Variants in CDH4 observed in about 807,000 individuals in gnomAD.
The protein encoded by CDH4 is cadherin-4.
Under a neutral mutation model 86.0 loss-of-function variants are expected in CDH4, and 33 were observed. The ratio of observed to expected loss-of-function variants is 0.38; its 90% confidence interval spans 0.29 to 0.51. The LOEUF (loss-of-function observed/expected upper bound fraction) is 0.51. Among genes scored for constraint, CDH4 ranks in the 20% least tolerant of loss-of-function variants. The probability of loss-of-function intolerance (pLI) is 0.86; values close to 1 mark genes in which losing one functional copy is unlikely to be tolerated. For synonymous variants in CDH4, 555 were observed against 549.4 expected (o/e 1.01, Z -0.14); for missense variants, 1,114 against 1,307.4 (o/e 0.85, Z 2.28).
At chr20:61,869,471 C>T (rs1158282418) in intron 6 of CDH4, among the ~76,000 whole-genome samples, 3 of 152,332 alleles carry the variant, frequency 2.0e-5, no homozygotes, top group Admixed American at 6.5e-5. Context: ...TGGAGGAGAG[C>T]GTGGCTGCTT....
At position 61,255,341 on chromosome 20, in the gene CDH4, A is replaced by G. The variant is rs142828055; in HGVS notation, c.169+404A>G. Among the ~76,000 whole-genome samples, 33 of 152,366 alleles carry G rather than the reference A, an allele frequency of 2.2e-4. No homozygotes were observed. In the South Asian group the frequency reaches 3.7e-3, roughly 17 times the overall value. On this transcript the variant is annotated intron_variant, in intron 2 of 15. Transcript: ENST00000614565. The stretch of plus-strand genomic sequence containing the variant: ...AAGCCCACAGACGGTCTGTTCACAA[A>G]TGTGGCATTCATTTTCATTACTGCC...
chr20:61,864,182 C>T (rs895383591), intron 6 of CDH4, among the ~76,000 whole-genome samples: 5 of 152,190 alleles, frequency 3.3e-5, no homozygotes, highest in East Asian at 3.9e-4. Flanking sequence ...CCAAGTTGGA[C>T]GGTGCCCCAA....
At chr20:61,744,391 A>G (rs1205746684) in intron 3 of CDH4, among the ~76,000 whole-genome samples, 3 of 144,154 alleles carry the variant, frequency 2.1e-5, no homozygotes, top group African/African-American at 7.9e-5. Context: ...AGAAGGAGGG[A>G]GAGAGATGGA....
chr20:61,822,718 G>T (rs1190860263), intron 4 of CDH4, among the ~76,000 whole-genome samples: 1 of 152,314 alleles, frequency 6.6e-6, no homozygotes. Context: ...GGCGGGAAAA[G>T]GTCAATTTTC....
intron 2 of CDH4, among the ~76,000 whole-genome samples, chr20:61,300,237 G>A (rs1185314349): frequency 2.0e-5 from 3 of 152,112 alleles, no homozygotes; most frequent in Admixed American, 6.5e-5. Flanking sequence ...GGATGCGTGG[G>A]TCTGAGGCCG....
At chr20:61,875,638 G>A (rs886319652) in intron 7 of CDH4, among the ~76,000 whole-genome samples, 2 of 152,176 alleles carry the variant, frequency 1.3e-5, no homozygotes, top group Non-Finnish European at 2.9e-5. Flanking sequence ...AGTGAGCTGT[G>A]GTCAGTCCCA....
intron 13 of CDH4, 142 bp downstream of exon 13, chr20:61,929,984 GC>G: frequency 1.5e-6 from 1 of 669,866 alleles, no homozygotes. Flanking sequence ...TTTCAGAAAT[GC>G]AGCTGAACTG....
At chr20:61,635,875 G>T (rs906669513) in intron 2 of CDH4, among the ~76,000 whole-genome samples, 1 of 152,130 alleles carries the variant, frequency 6.6e-6, no homozygotes, top group Admixed American at 6.5e-5. Flanking sequence ...AGAGCAGGGG[G>T]CAGGACACAG....
chr20:61,897,049 C>T (rs767266086), intron 8 of CDH4, among the ~76,000 whole-genome samples: 3 of 152,170 alleles, frequency 2.0e-5, no homozygotes, highest in Non-Finnish European at 2.9e-5. Context: ...TGAAAAACGG[C>T]CAGCCCAGGG....
At chr20:61,301,645 T>C (rs1159671088) in intron 2 of CDH4, among the ~76,000 whole-genome samples, 1 of 152,240 alleles carries the variant, frequency 6.6e-6, no homozygotes, top group East Asian at 1.9e-4. Flanking sequence ...TTATTGAATA[T>C]ACATCATATG....
At chr20:61,777,807 C>CA (rs1352313194) in intron 4 of CDH4, among the ~76,000 whole-genome samples, 3 of 144,792 alleles carry the variant, frequency 2.1e-5, no homozygotes, top group African/African-American at 5.3e-5. Flanking sequence ...CACGTGCATA[C>CA]AAAAACACAC....
intron 2 of CDH4, among the ~76,000 whole-genome samples, chr20:61,282,094 C>T (rs2084262019): frequency 1.3e-5 from 2 of 152,196 alleles, no homozygotes; most frequent in African/African-American, 4.8e-5. Context: ...CATGGTGGCT[C>T]ACGCCTGTAA....
chr20:61,672,282 G>C (rs375010632), intron 2 of CDH4, among the ~76,000 whole-genome samples: 1 of 152,078 alleles, frequency 6.6e-6, no homozygotes, highest in Non-Finnish European at 1.5e-5. Flanking sequence ...CAGATGAACG[G>C]GTGAGTGGAT....
In CDH4 at chr20:61,394,584, C is replaced by G. The variant is rs77203571; in HGVS notation, c.169+139647C>G. Among the ~76,000 whole-genome samples the G allele has an allele frequency of 2.3e-4, 35 of 151,734 alleles. 2 individuals carry two copies. The East Asian group carries it at 6.6e-3, about 28-fold the overall frequency. On this transcript the variant is annotated intron_variant, in intron 2 of 15. Coordinates refer to ENST00000614565, the MANE Select transcript of CDH4 (RefSeq NM_001794.5). ...CCTTAGGCTGGGCCGAAGAGAGCAC[C>G]AGGGCGGGGTGAGGACTGCGGCCAG...
chr20:61,935,809 G>T (rs937893259), intron 15 of CDH4, among the ~76,000 whole-genome samples: 1 of 152,140 alleles, frequency 6.6e-6, no homozygotes, highest in African/African-American at 2.4e-5. Context: ...TCGCTTGAAC[G>T]TGGGAGGCAG....
At chr20:61,448,689 G>A (rs1020321899) in intron 2 of CDH4, among the ~76,000 whole-genome samples, 5 of 152,058 alleles carry the variant, frequency 3.3e-5, no homozygotes, top group African/African-American at 4.8e-5. Flanking sequence ...CCTAGCCTCC[G>A]AAATCGTCAC....
At chr20:61,274,435 G>A (rs1270282339) in intron 2 of CDH4, among the ~76,000 whole-genome samples, 1 of 139,762 alleles carries the variant, frequency 7.2e-6, no homozygotes, top group African/African-American at 2.7e-5. Context: ...GTGCAGTTTG[G>A]GGGAGTACTT....
intron 4 of CDH4, among the ~76,000 whole-genome samples, chr20:61,839,582 C>T (rs1360130314): frequency 5.5e-5 from 8 of 145,186 alleles, no homozygotes; most frequent in South Asian, 2.2e-4. Flanking sequence ...GTGTGTGTGA[C>T]GTGTGTATGT....
At chr20:61,636,089 C>A (rs544544025) in intron 2 of CDH4, among the ~76,000 whole-genome samples, 1 of 152,218 alleles carries the variant, frequency 6.6e-6, no homozygotes, top group Non-Finnish European at 1.5e-5. Flanking sequence ...GGGGGTCCAC[C>A]GTGGGTCATT....
Sources: allele counts gnomAD v4.1 joint callset (sites outside exome capture counted in the v4.1 genomes callset), GRCh38; gene constraint gnomAD v4.1.1; transcripts MANE v1.5; gene names NCBI Gene and HGNC (gene_info 2026-07-23, HGNC 2026-07-21).